APP: variants seen among roughly 807,000 people sequenced by gnomAD.
APP encodes the protein amyloid-beta precursor protein.
In APP, 31 loss-of-function variants were observed where a neutral mutation model predicts 101.4. The ratio of observed to expected loss-of-function variants is 0.31; its 90% CI spans 0.23 to 0.41. The LOEUF (loss-of-function observed/expected upper bound fraction) is 0.41. Ranked by LOEUF, APP falls within the 10% of genes least tolerant of loss-of-function variation. The probability of loss-of-function intolerance (pLI) is 1.00; values close to 1 mark genes in which losing one functional copy is unlikely to be tolerated. For synonymous variants in APP, 366 were observed against 364.4 expected, an observed-to-expected ratio of 1.00 and a Z score of -0.05; for missense variants, 839 against 1,003.7, an observed-to-expected ratio of 0.84 and a Z score of 2.22.
chr21:26,071,455 C>T (rs1223885537), intron 3 of APP, among the ~76,000 whole-genome samples: 2 of 152,164 alleles, frequency 1.3e-5, no homozygotes, highest in Non-Finnish European at 2.9e-5. Flanking sequence ...TCCTGCCGCA[C>T]ACAGAAGGCA....
intron 1 of APP, among the ~76,000 whole-genome samples, chr21:26,144,817 T>C (rs115422890): frequency 0.01 from 1,542 of 152,316 alleles, 23 homozygotes; most frequent in African/African-American, 0.035. Context: ...CTAGAAATTT[T>C]AGATCGAGGG....
Position 25,892,059 on chromosome 21 carries a change from AAAAAAAG to A in APP, c.2065-198_2065-192del, listed in dbSNP as rs1208893762. On this transcript the variant is annotated intron_variant, in intron 16 of 17. Coordinates refer to ENST00000346798, the MANE Select transcript of APP (RefSeq NM_000484.4). ...TGATGCTTACTTTAAAAAAAAAAAA[AAAAAAAG>A]AAATCACATATTTTCCTACTAAGAA... 2.9e-3 allele frequency among the ~76,000 whole-genome samples: 442 copies of A among 152,070 alleles called. 1 individual carries two copies. Among genetic ancestry groups the A allele is most frequent in the African/African-American group, 9.7e-3 (404 of 41,462 alleles).
intron 11 of APP, among the ~76,000 whole-genome samples, chr21:25,961,771 CAT>C (rs2041590710): frequency 6.6e-6 from 1 of 152,154 alleles, no homozygotes; most frequent in African/African-American, 2.4e-5. Context: ...TCTATAGAAA[CAT>C]ATTCTCTTAA....
chr21:26,128,723 A>G (rs563697014), intron 1 of APP, among the ~76,000 whole-genome samples: 11 of 149,034 alleles, frequency 7.4e-5, no homozygotes, highest in African/African-American at 2.2e-4. Flanking sequence ...GAGGCTTTTG[A>G]AAAAAAAAAC....
chr21:25,896,911 G>A (rs942144822), intron 16 of APP, among the ~76,000 whole-genome samples: 1 of 152,142 alleles, frequency 6.6e-6, no homozygotes, highest in Non-Finnish European at 1.5e-5. Context: ...AGACAGTTCC[G>A]GATGTGAATT....
At chr21:26,004,851 G>T (rs1332180545) in intron 6 of APP, among the ~76,000 whole-genome samples, 1 of 132,270 alleles carries the variant, frequency 7.6e-6, no homozygotes, top group East Asian at 2.2e-4. Context: ...CCCGCCCTGT[G>T]TCCAAGTGTT....
chr21:26,161,854 A>C, intron 1 of APP, among the ~76,000 whole-genome samples: 1 of 152,194 alleles, frequency 6.6e-6, no homozygotes, highest in East Asian at 1.9e-4. Context: ...TGAAGACTTA[A>C]GCTAAGACTT....
chr21:26,074,560 G>A (rs1349142547), intron 3 of APP, among the ~76,000 whole-genome samples: 1 of 152,172 alleles, frequency 6.6e-6, no homozygotes, highest in East Asian at 1.9e-4. Context: ...AGACCATCGT[G>A]GGCAACATGG....
intron 6 of APP, among the ~76,000 whole-genome samples, chr21:26,013,483 T>TA (rs949885291): frequency 3.7e-4 from 1 of 2,710 alleles, no homozygotes; most frequent in African/African-American, 7.7e-4. Flanking sequence ...ATCTGCACAC[T>TA]TTTTTTTTTT....
intron 6 of APP, among the ~76,000 whole-genome samples, chr21:26,018,369 T>C (rs2044193518): frequency 6.6e-6 from 1 of 152,232 alleles, no homozygotes; most frequent in South Asian, 2.1e-4. Context: ...CTAATTTTTA[T>C]GTTGAACACA....
At chr21:25,979,164 T>C (rs770233539) in intron 9 of APP, among the ~76,000 whole-genome samples, 1 of 152,218 alleles carries the variant, frequency 6.6e-6, no homozygotes, top group Non-Finnish European at 1.5e-5. Context: ...TTTAGAGTTA[T>C]ACTCCACAAT....
intron 8 of APP, among the ~76,000 whole-genome samples, chr21:25,984,009 G>C (rs1028302716): frequency 1.3e-5 from 2 of 152,130 alleles, no homozygotes; most frequent in Admixed American, 6.6e-5. Flanking sequence ...ATAACATGCC[G>C]CAGGACATGA....
intron 5 of APP, among the ~76,000 whole-genome samples, chr21:26,029,800 G>A (rs775775426): frequency 9.7e-4 from 148 of 152,300 alleles, no homozygotes; most frequent in Non-Finnish European, 1.6e-3. Flanking sequence ...AGAAAAGAAA[G>A]GGGGTAAAAA....
chr21:25,885,864 A>G (rs1021417257), intron 17 of APP, among the ~76,000 whole-genome samples: 1 of 152,186 alleles, frequency 6.6e-6, no homozygotes, highest in Non-Finnish European at 1.5e-5. Context: ...GAGCTCAGCT[A>G]TCCGCCTGCA....
intron 1 of APP, among the ~76,000 whole-genome samples, chr21:26,159,510 C>T (rs2063446489): frequency 6.6e-6 from 1 of 152,196 alleles, no homozygotes; most frequent in African/African-American, 2.4e-5. Flanking sequence ...TTCAGCTAAA[C>T]ATTCTGCATT....
intron 11 of APP, among the ~76,000 whole-genome samples, chr21:25,958,968 G>C (rs1023800584): frequency 1.0e-4 from 4 of 40,072 alleles, no homozygotes; most frequent in Non-Finnish European, 1.4e-4. Context: ...TGGTTACATA[G>C]GCTACATCCC....
At position 25,911,860 on chromosome 21, in the gene APP, A is replaced by C. The variant is rs765301301; in HGVS notation, c.1790T>G (p.Leu597Trp). ...SYGNDALMPS[L>W]TETKTTVELL... ...CTCCACGGTGGTTTTCGTTTCGGTC[A>C]AAGATGGCATGAGAGCATCGTTTCC... Residue 597 changes from leucine (L) to tryptophan (W), a missense_variant, in exon 14 of 18, where the codon TTG (leucine) becomes TGG (tryptophan). Coordinates refer to ENST00000346798, the MANE Select transcript of APP (RefSeq NM_000484.4). The C allele has an allele frequency of 8.1e-6, 13 of 1,614,078 alleles. No individual in the cohort carries two copies. The African/African-American group carries it at 1.5e-4, about 18-fold the overall frequency.
chr21:26,012,152 C>T (rs1037533657), intron 6 of APP, among the ~76,000 whole-genome samples: 2 of 151,924 alleles, frequency 1.3e-5, no homozygotes, highest in Non-Finnish European at 2.9e-5. Flanking sequence ...GGACTATAAG[C>T]CTGTGACACT....
At chr21:26,147,707 C>A (rs1001942040) in intron 1 of APP, among the ~76,000 whole-genome samples, 1 of 152,174 alleles carries the variant, frequency 6.6e-6, no homozygotes, top group Admixed American at 6.5e-5. Context: ...CCCATTAAGT[C>A]GGCCTCAAAG....
Sources: allele counts gnomAD v4.1 joint callset (sites outside exome capture counted in the v4.1 genomes callset), GRCh38; gene constraint gnomAD v4.1.1; transcripts MANE v1.5; gene names NCBI Gene and HGNC (gene_info 2026-07-23, HGNC 2026-07-21).